ZFP30: variants seen among roughly 807,000 people sequenced by gnomAD.
The protein encoded by ZFP30 is ZFP30 zinc finger protein.
Under a neutral mutation model 12.3 loss-of-function variants are expected in ZFP30, and 16 were observed. That is an observed-to-expected ratio of 1.30 (90% CI 0.88 to 1.98). The LOEUF is 1.98. ZFP30 is among the 30% of genes most tolerant of loss of function. The pLI is 0.00. For missense variants in ZFP30, 560 were observed against 611.2 expected, an observed-to-expected ratio of 0.92 and a Z score of 0.88; for synonymous variants, 172 against 201.0, an observed-to-expected ratio of 0.86 and a Z score of 1.22.
intron 5 of ZFP30, 65 bp from the exon 6 acceptor site, chr19:37,636,370 A>G (rs1324140320): frequency 1.5e-6 from 2 of 1,377,546 alleles, no homozygotes; most frequent in Non-Finnish European, 1.9e-6. Flanking sequence ...CGAAAACTTT[A>G]TAATAGAAAT....
Position 37,643,296 on chromosome 19 carries a change from A to G in ZFP30, c.204T>C (p.Val68=). Residue 68 remains valine (V), a synonymous_variant, in exon 5 of 6, where the codon GTT becomes GTC. Coordinates refer to ENST00000684514, the MANE Select transcript of ZFP30 (RefSeq NM_001320669.3). ...TCCATCTTCTTTTCTCATCCCTCAC[A>G]ACCATCCAGGGCTCTTTCCCTTGTT... ...LLEQGKEPWM[V]VRDEKRRWTL... is the part of the protein sequence containing the mutation. 3.7e-6 allele frequency: 6 copies of G among 1,611,582 alleles called. No homozygotes were observed. Among genetic ancestry groups the G allele is most frequent in the Non-Finnish European group, 5.1e-6 (6 of 1,179,078 alleles).
At chr19:37,642,880 G>A (rs1270196640) in intron 5 of ZFP30, among the ~76,000 whole-genome samples, 4 of 151,664 alleles carry the variant, frequency 2.6e-5, no homozygotes, top group African/African-American at 9.7e-5. Flanking sequence ...GTGAAACCCC[G>A]TCTCTACTAA....
At chr19:37,637,608 G>A (rs1165109286) in intron 5 of ZFP30, among the ~76,000 whole-genome samples, 1 of 152,060 alleles carries the variant, frequency 6.6e-6, no homozygotes, top group East Asian at 1.9e-4. Context: ...TCGTGTCTCA[G>A]CCTCCCAAGT....
chr19:37,648,128 T>A (rs907712515), intron 2 of ZFP30, among the ~76,000 whole-genome samples: 1 of 152,158 alleles, frequency 6.6e-6, no homozygotes, highest in South Asian at 2.1e-4. Flanking sequence ...CATCAAAGCA[T>A]ATGTCTAGAC....
At chr19:37,654,111 C>A (rs1052163463) in intron 2 of ZFP30, among the ~76,000 whole-genome samples, 1 of 152,138 alleles carries the variant, frequency 6.6e-6, no homozygotes, top group Non-Finnish European at 1.5e-5. Context: ...AAAACAACAC[C>A]GTAAAGTATA....
chr19:37,645,212 CA>C (rs1245292607), intron 3 of ZFP30, among the ~76,000 whole-genome samples: 1,126 of 108,730 alleles, frequency 0.01, 15 homozygotes, highest in African/African-American at 0.034. Context: ...GACTCCGTCT[CA>C]AAAAAAAAAA....
chr19:37,648,352 A>G (rs1256898188), intron 2 of ZFP30, among the ~76,000 whole-genome samples: 2 of 152,218 alleles, frequency 1.3e-5, no homozygotes, highest in Non-Finnish European at 2.9e-5. Context: ...GACAAAAAAT[A>G]GCATAGACAA....
At chr19:37,640,188 T>C (rs1347005605) in intron 5 of ZFP30, among the ~76,000 whole-genome samples, 4 of 152,106 alleles carry the variant, frequency 2.6e-5, no homozygotes, top group Non-Finnish European at 4.4e-5. Context: ...ACAAGTATCT[T>C]TACATTCCTG....
rs1483208558 is a variant in ZFP30, at chr19:37,635,063, G to A, written c.1478C>T (p.Pro493Leu). 19 of 1,610,576 alleles carry A rather than the reference G, an allele frequency of 1.2e-5. No homozygotes were observed. The highest frequency in any genetic ancestry group is 1.5e-5 in the Non-Finnish European group (18 of 1,178,718). ...QHQRIHSGEK[P>L]YKCKECKKAF... ...CTTTTTACATTCCTTACATTTGTAT[G>A]GTTTCTCACCAGAATGAATTCTCTG... Residue 493 changes from proline to leucine, a missense_variant, in exon 6 of 6, where the codon CCA becomes CTA. Coordinates refer to ENST00000684514, the MANE Select transcript of ZFP30 (RefSeq NM_001320669.3).
chr19:37,635,984 T>A lies in ZFP30; in HGVS notation c.557A>T (p.Tyr186Phe), dbSNP rs372665471. 41 of 1,614,192 alleles carry A rather than the reference T, an allele frequency of 2.5e-5. No homozygotes were observed. The highest frequency in any genetic ancestry group is 3.5e-5 in the Non-Finnish European group (41 of 1,180,030). The change falls in exon 6 of 6, where the codon TAT becomes TTT. Residue 186 changes from tyrosine (Y) to phenylalanine (F), a missense_variant. By Grantham distance (22) the Tyr-to-Phe change is conservative (BLOSUM62 3). Transcript: ENST00000684514. ...GGCTTTTCCACATTCTTTACATTCA[T>A]AGGGTTTCTCACCAGTATGAATTCT... ...HQRIHTGEKPYECKECGKAFR... is the reference protein window; with the variant it reads ...HQRIHTGEKPFECKECGKAFR...
intron 2 of ZFP30, among the ~76,000 whole-genome samples, chr19:37,651,735 G>A (rs1242505193): frequency 6.6e-6 from 1 of 152,160 alleles, no homozygotes; most frequent in Admixed American, 6.5e-5. Flanking sequence ...ACTCTGAGGT[G>A]AAAAGTTGAT....
In ZFP30 at chr19:37,643,289, C is replaced by T; in HGVS notation, c.211G>A (p.Asp71Asn). 2 of 1,611,338 alleles carry T rather than the reference C, an allele frequency of 1.2e-6. No homozygotes were observed. Among genetic ancestry groups the T allele is most frequent in the South Asian group, 1.1e-5 (1 of 90,216 alleles). ...CCTAGAGTCCATCTTCTTTTCTCAT[C>T]CCTCACAACCATCCAGGGCTCTTTC... The part of the protein sequence containing the change: ...QGKEPWMVVR[D>N]EKRRWTLDLE... The change falls in exon 5 of 6, where the codon GAT becomes AAT. Residue 71 changes from aspartate (D) to asparagine (N), a missense_variant. Asp to Asn is a conservative substitution (Grantham distance 23, BLOSUM62 1). Coordinates refer to ENST00000684514, the MANE Select transcript of ZFP30 (RefSeq NM_001320669.3).
At chr19:37,643,417 A>G in intron 4 of ZFP30, 54 bp from the exon 5 acceptor site, 1 of 1,286,398 alleles carries the variant, frequency 7.8e-7, no homozygotes, top group Non-Finnish European at 1.0e-6. Context: ...CTTCAAAACA[A>G]AGAAGACTAT....
intron 2 of ZFP30, among the ~76,000 whole-genome samples, chr19:37,654,438 C>A (rs974834659): frequency 6.6e-6 from 1 of 152,146 alleles, no homozygotes; most frequent in Non-Finnish European, 1.5e-5. Context: ...ATCTCCAGCA[C>A]GGGTATTTCC....
intron 2 of ZFP30, chr19:37,651,492 C>G (rs1234095923): frequency 6.6e-6 from 1 of 150,672 alleles, no homozygotes; most frequent in Admixed American, 6.7e-5. Context: ...AGGAGAATTG[C>G]TTGAACCCGG....
At chr19:37,641,384 T>G (rs775185258) in intron 5 of ZFP30, among the ~76,000 whole-genome samples, 2 of 152,228 alleles carry the variant, frequency 1.3e-5, no homozygotes, top group African/African-American at 2.4e-5. Flanking sequence ...AACCTTATTT[T>G]CATCATTGCC....
At chr19:37,652,017 A>C (rs919603589) in intron 2 of ZFP30, among the ~76,000 whole-genome samples, 1 of 152,194 alleles carries the variant, frequency 6.6e-6, no homozygotes, top group African/African-American at 2.4e-5. Context: ...AAACTCTTAA[A>C]ATTTCAATTC....
In ZFP30 at chr19:37,636,031, TCGTACTCTAAAAGCCTTCCCA is replaced by T; in HGVS notation, c.489_509del (p.Cys163_Arg170delinsTer). 1 of 1,613,974 alleles carries T rather than the reference TCGTACTCTAAAAGCCTTCCCA, an allele frequency of 6.2e-7. No individual in the cohort carries two copies. Among genetic ancestry groups the T allele is most frequent in the Non-Finnish European group, 8.5e-7 (1 of 1,179,960 alleles). ...TTCTTTGATGGAAAGTAAGTTGTTG[TCGTACTCTAAAAGCCTTCCCA>T]CATTCCCCACATTCGTAGGGTTTCT... On this transcript the variant is annotated stop_gained and inframe_deletion, in exon 6 of 6. Coordinates refer to ENST00000684514, the MANE Select transcript of ZFP30 (RefSeq NM_001320669.3). LOFTEE classifies it low-confidence loss of function (END_TRUNC).
In ZFP30 at chr19:37,652,895, A is replaced by G. The variant is rs1461241650; in HGVS notation, c.-78+1817T>C. On this transcript the variant is annotated intron_variant, in intron 2 of 5. Coordinates refer to ENST00000684514, the MANE Select transcript of ZFP30 (RefSeq NM_001320669.3). Reference sequence around the variant, plus strand: ...CACTTTGGGAGGCCGAGGCAGGTGGATCACTTGAGGTTAGGAGTTCAAGAC... The same window carrying G: ...CACTTTGGGAGGCCGAGGCAGGTGGGTCACTTGAGGTTAGGAGTTCAAGAC... 2.6e-5 allele frequency among the ~76,000 whole-genome samples: 4 copies of G among 152,216 alleles called. No homozygotes were observed. The South Asian group carries it at 6.2e-4, about 24-fold the overall frequency.
Sources: gnomAD v4.1 joint callset for allele counts (sites outside exome capture counted in the v4.1 genomes callset) on GRCh38, gnomAD v4.1.1 for gene constraint, MANE v1.5 for transcripts, NCBI Gene and HGNC (gene_info 2026-07-23, HGNC 2026-07-21) for gene names.